ROBO2: variants seen among roughly 807,000 people sequenced by gnomAD.
ROBO2 encodes the protein roundabout guidance receptor 2.
A neutral mutation model predicts 160.8 loss-of-function variants in ROBO2; 53 were observed. The ratio of observed to expected loss-of-function variants is 0.33; its 90% CI spans 0.26 to 0.41. The LOEUF is 0.41. Ranked by LOEUF, ROBO2 falls within the 10% of genes least tolerant of loss-of-function variation. The pLI is 1.00. For synonymous variants in ROBO2, 664 were observed against 611.7 expected (o/e 1.09, Z -1.26); for missense variants, 1,577 against 1,722.4 (o/e 0.92, Z 1.49).
chr3:77,493,265 G>A (rs1582434636), exon 5 of ROBO2: 1 of 1,613,418 alleles, frequency 6.2e-7, no homozygotes, highest in Admixed American at 1.7e-5. Flanking sequence ...TTTCTCAGGA[G>A]GCCAATTAAC....
intron 2 of ROBO2, among the ~76,000 whole-genome samples, chr3:76,912,034 A>G (rs2076024357): frequency 6.6e-6 from 1 of 152,184 alleles, no homozygotes; most frequent in Admixed American, 6.5e-5. Flanking sequence ...TATCATGTAA[A>G]TTTTCAGATA....
chr3:77,045,843 T>G (rs2064602769), intron 1 of ROBO2, among the ~76,000 whole-genome samples: 1 of 152,234 alleles, frequency 6.6e-6, no homozygotes, highest in Non-Finnish European at 1.5e-5. Context: ...CTGGACATTT[T>G]ATATATAAAT....
intron 24 of ROBO2, among the ~76,000 whole-genome samples, chr3:77,638,249 A>T (rs899842911): frequency 2.0e-5 from 3 of 152,232 alleles, no homozygotes; most frequent in Non-Finnish European, 4.4e-5. Flanking sequence ...GGGAAGGCTG[A>T]TACTTAGCAG....
intron 2 of ROBO2, among the ~76,000 whole-genome samples, chr3:76,659,118 A>G (rs1305808578): frequency 2.6e-5 from 4 of 152,074 alleles, no homozygotes; most frequent in Non-Finnish European, 5.9e-5. Context: ...GGCATTAAGT[A>G]CAGGCTTGCA....
intron 2 of ROBO2, among the ~76,000 whole-genome samples, chr3:76,788,365 A>G (rs10049017): frequency 0.01 from 1,548 of 151,562 alleles, 22 homozygotes; most frequent in African/African-American, 0.035. Flanking sequence ...AGCCCTTACT[A>G]TGCCAACTAT....
At chr3:76,370,872 C>G (rs1461582462) in intron 2 of ROBO2, among the ~76,000 whole-genome samples, 1 of 151,914 alleles carries the variant, frequency 6.6e-6, no homozygotes, top group Non-Finnish European at 1.5e-5. Flanking sequence ...TCTAGCCAGG[C>G]ACTAGGCCAG....
intron 6 of ROBO2, among the ~76,000 whole-genome samples, chr3:77,543,676 A>T (rs1008154703): frequency 6.6e-6 from 1 of 152,222 alleles, no homozygotes; most frequent in African/African-American, 2.4e-5. Context: ...TATGAAATAC[A>T]TAAATATATG....
chr3:76,428,329 G>T (rs1308900450), intron 2 of ROBO2, among the ~76,000 whole-genome samples: 1 of 152,066 alleles, frequency 6.6e-6, no homozygotes. Flanking sequence ...CACAGAAATG[G>T]ATCATTATAT....
intron 2 of ROBO2, among the ~76,000 whole-genome samples, chr3:77,341,087 G>C (rs544796918): frequency 6.6e-6 from 1 of 152,032 alleles, no homozygotes; most frequent in Non-Finnish European, 1.5e-5. Context: ...AAGTATTGTT[G>C]GAACGTAGCC....
At chr3:76,781,275 T>A (rs1379378839) in intron 2 of ROBO2, among the ~76,000 whole-genome samples, 1 of 150,746 alleles carries the variant, frequency 6.6e-6, no homozygotes, top group Admixed American at 6.6e-5. Flanking sequence ...ATCCCAAAAC[T>A]TCACAAAATT....
intron 1 of ROBO2, among the ~76,000 whole-genome samples, chr3:75,908,041 A>G (rs1946427552): frequency 6.6e-6 from 1 of 152,014 alleles, no homozygotes; most frequent in South Asian, 2.1e-4. Context: ...AAAATTCAAT[A>G]CTTACTTTGT....
intron 2 of ROBO2, among the ~76,000 whole-genome samples, chr3:77,008,809 C>A (rs13082969): frequency 0.69 from 105,573 of 152,012 alleles, 37,177 homozygotes; most frequent in Non-Finnish European, 0.73. Flanking sequence ...GAAAACTTAA[C>A]GGGCCTGAAT....
chr3:76,364,685 T>A (rs1448157024), intron 2 of ROBO2, among the ~76,000 whole-genome samples: 1 of 152,102 alleles, frequency 6.6e-6, no homozygotes, highest in Non-Finnish European at 1.5e-5. Context: ...CTTTTGTTCA[T>A]TTCACTGAAA....
chr3:76,106,559 G>T (rs2069942880), intron 2 of ROBO2, among the ~76,000 whole-genome samples: 1 of 152,034 alleles, frequency 6.6e-6, no homozygotes, highest in South Asian at 2.1e-4. Context: ...TCGAGCCATG[G>T]ATTATGTACC....
At chr3:76,805,903 G>T (rs1452489091) in intron 2 of ROBO2, among the ~76,000 whole-genome samples, 1 of 151,796 alleles carries the variant, frequency 6.6e-6, no homozygotes, top group Non-Finnish European at 1.5e-5. Flanking sequence ...TTGCTCTCTT[G>T]ATGTGAAATC....
intron 2 of ROBO2, among the ~76,000 whole-genome samples, chr3:77,098,914 G>A (rs1034237787): frequency 6.6e-6 from 1 of 151,494 alleles, no homozygotes; most frequent in Non-Finnish European, 1.5e-5. Context: ...GCACTCTTCA[G>A]CTTCCTTGTT....
At chr3:77,294,143 A>T (rs1196325242) in intron 2 of ROBO2, among the ~76,000 whole-genome samples, 1 of 144,634 alleles carries the variant, frequency 6.9e-6, no homozygotes, top group Non-Finnish European at 1.5e-5. Context: ...ATAAAGTAAA[A>T]TTGATGGTTA....
At chr3:76,554,233 G>T (rs2083575945) in intron 2 of ROBO2, among the ~76,000 whole-genome samples, 4 of 152,148 alleles carry the variant, frequency 2.6e-5, no homozygotes, top group South Asian at 2.1e-4. Context: ...ACTTGCCAAA[G>T]ACCATGAACA....
chr3:77,515,868 T>A (rs2089964643), intron 5 of ROBO2, among the ~76,000 whole-genome samples: 1 of 151,690 alleles, frequency 6.6e-6, no homozygotes, highest in South Asian at 2.1e-4. Context: ...AATATTAAAA[T>A]TAGGACATTA....
Sources: allele counts gnomAD v4.1 joint callset (sites outside exome capture counted in the v4.1 genomes callset), GRCh38; gene constraint gnomAD v4.1.1; transcripts MANE v1.5; gene names NCBI Gene and HGNC (gene_info 2026-07-23, HGNC 2026-07-21).